The following LANCL1 variants were observed in gnomAD, a reference collection of about 807,000 sequenced individuals.
The protein encoded by LANCL1 is LanC like glutathione S-transferase 1.
Under a neutral mutation model 50.6 loss-of-function variants are expected in LANCL1, and 50 were observed. The ratio of observed to expected loss-of-function variants is 0.99; its 90% CI spans 0.79 to 1.25. The LOEUF is 1.25. Ranked by LOEUF, LANCL1 falls within the 50% of genes most tolerant of loss-of-function variation. The pLI is 0.00. For missense variants in LANCL1, 532 were observed against 480.7 expected, an observed-to-expected ratio of 1.11 and a Z score of -1.00; for synonymous variants, 188 against 178.6, an observed-to-expected ratio of 1.05 and a Z score of -0.42.
At chr2:210,461,597 G>C (rs1016289228) in intron 3 of LANCL1, among the ~76,000 whole-genome samples, 2 of 152,104 alleles carry the variant, frequency 1.3e-5, no homozygotes, top group African/African-American at 2.4e-5. Flanking sequence ...TATTACTCTA[G>C]GGATTATGCT....
At chr2:210,477,541 TTCA>T (rs779060578), upstream of LANCL1, 32 of 1,313,456 alleles carry the variant, frequency 2.4e-5, no homozygotes, top group Non-Finnish European at 3.1e-5. Flanking sequence ...TCTCTCCGGT[TTCA>T]ATGAAGAGTC....
chr2:210,459,382 T>TAG (rs1410905224), intron 3 of LANCL1, among the ~76,000 whole-genome samples: 1 of 152,152 alleles, frequency 6.6e-6, no homozygotes, highest in East Asian at 1.9e-4. Context: ...TCCAGATGTA[T>TAG]AGTACTTTGA....
At position 210,432,423 on chromosome 2, in the gene LANCL1, G is replaced by C. The variant is rs1165325654; in HGVS notation, c.*2064C>G. The C allele has an allele frequency of 1.3e-5, 2 of 152,144 alleles. No homozygotes were observed. Among genetic ancestry groups the C allele is most frequent in the Non-Finnish European group, 2.9e-5 (2 of 68,016 alleles). 9.4% of individuals were successfully genotyped at this position (152,144 alleles called of 1,614,324 possible). ...AATCAGACCTTGGCAATGACTTTGA[G>C]CAGTAGGATGTAAATGACTCCCACA... On this transcript the variant is annotated 3_prime_UTR_variant, in exon 10 of 10. Transcript: ENST00000450366.
upstream of LANCL1, chr2:210,477,561 CCA>C (rs1694424341): frequency 7.2e-7 from 1 of 1,395,706 alleles, no homozygotes; most frequent in African/African-American, 1.4e-5. Flanking sequence ...AGTCCTAGCT[CCA>C]GACCTCCAAC....
intron 3 of LANCL1, among the ~76,000 whole-genome samples, chr2:210,470,691 T>C (rs1461390336): frequency 6.6e-6 from 1 of 152,182 alleles, no homozygotes; most frequent in Non-Finnish European, 1.5e-5. Flanking sequence ...AGAGGAAGAC[T>C]AATAAGAGAT....
At chr2:210,439,389 G>A (rs2105888530) in intron 6 of LANCL1, among the ~76,000 whole-genome samples, 1 of 152,262 alleles carries the variant, frequency 6.6e-6, no homozygotes, top group South Asian at 2.1e-4. Context: ...CTGATTATTT[G>A]TTTCAATGAA....
In LANCL1 at chr2:210,471,686, T is replaced by C. The variant is rs757592800; in HGVS notation, c.199+273A>G. The C allele has an allele frequency of 9.3e-4, 570 of 615,452 alleles. 4 individuals are homozygous for C. The highest frequency in any genetic ancestry group is 2.6e-3 in the South Asian group (181 of 68,326). 38.1% of individuals were successfully genotyped at this position (615,452 alleles called of 1,614,324 possible). A position where few individuals can be genotyped will look rare whatever the true frequency, so the allele number is the denominator to read the frequency against. ...CAAATTAACTATGTAATATTGAAAA[T>C]CAATTTTTCTCCTCACAAGTATAGC... On this transcript the variant is annotated intron_variant, in intron 3 of 9. Transcript: ENST00000450366.
intron 8 of LANCL1, among the ~76,000 whole-genome samples, chr2:210,435,718 C>T (rs1408148151): frequency 6.6e-6 from 1 of 151,816 alleles, no homozygotes; most frequent in African/African-American, 2.4e-5. Flanking sequence ...TTTTTTTCTC[C>T]CATTAATGCT....
chr2:210,474,071 C>T (rs917902100), intron 2 of LANCL1, among the ~76,000 whole-genome samples: 1 of 152,216 alleles, frequency 6.6e-6, no homozygotes, highest in Non-Finnish European at 1.5e-5. Flanking sequence ...CTGTTTGGCA[C>T]ATTCTGCATT....
intron 2 of LANCL1, among the ~76,000 whole-genome samples, chr2:210,475,676 T>C (rs1343392036): frequency 6.6e-6 from 1 of 152,188 alleles, no homozygotes; most frequent in East Asian, 1.9e-4. Context: ...CTCTTAACAA[T>C]TATGTTCACC....
intron 3 of LANCL1, among the ~76,000 whole-genome samples, chr2:210,467,888 C>A (rs1352442652): frequency 6.6e-6 from 1 of 152,098 alleles, no homozygotes; most frequent in African/African-American, 2.4e-5. Flanking sequence ...TCTTTAGAGT[C>A]ATGAAGTAGA....
At chr2:210,467,967 T>G (rs1694119272) in intron 3 of LANCL1, among the ~76,000 whole-genome samples, 1 of 152,142 alleles carries the variant, frequency 6.6e-6, no homozygotes, top group Non-Finnish European at 1.5e-5. Context: ...CTTTATAATT[T>G]TGCAATAGAA....
chr2:210,476,257 CA>C (rs1694365772), intron 2 of LANCL1, 58 bp downstream of exon 2: 9 of 1,251,726 alleles, frequency 7.2e-6, no homozygotes, highest in Non-Finnish European at 9.3e-6. Context: ...CAAAAATGAG[CA>C]CCTTTCCGAA....
chr2:210,474,535 G>C (rs1694302080), intron 2 of LANCL1, among the ~76,000 whole-genome samples: 1 of 150,930 alleles, frequency 6.6e-6, no homozygotes. Context: ...GGCCAACATG[G>C]TGAAACCCTG....
At chr2:210,468,857 G>A (rs1694146929) in intron 3 of LANCL1, 1 of 152,172 alleles carries the variant, frequency 6.6e-6, no homozygotes, top group Admixed American at 6.5e-5. Context: ...TCTTTTACAA[G>A]AGAAAAATAC....
chr2:210,467,768 A>G (rs1694110139), intron 3 of LANCL1, among the ~76,000 whole-genome samples: 1 of 152,200 alleles, frequency 6.6e-6, no homozygotes, highest in Non-Finnish European at 1.5e-5. Context: ...TGAATGTGTC[A>G]TCTCTTCACT....
intron 3 of LANCL1, among the ~76,000 whole-genome samples, chr2:210,465,952 G>A (rs1694043445): frequency 6.6e-6 from 1 of 152,176 alleles, no homozygotes; most frequent in Non-Finnish European, 1.5e-5. Flanking sequence ...ACTGTTTAAT[G>A]CAAATGCTGT....
In LANCL1 at chr2:210,476,376, C is replaced by CG. The variant is rs2105934051; in HGVS notation, c.20dup (p.Asn8GlufsTer5). On this transcript the variant is annotated frameshift_variant, in exon 2 of 10. Coordinates refer to ENST00000450366, the MANE Select transcript of LANCL1 (RefSeq NM_006055.3). LOFTEE classifies it high-confidence loss of function. Reference sequence around the variant, plus strand: ...ATTTGTTATAATCAGCATAAGGATTCGGGAAGGCCCTTTGAGCCATGACGC... The same window carrying CG: ...ATTTGTTATAATCAGCATAAGGATTCGGGGAAGGCCCTTTGAGCCATGACGC... The CG allele has an allele frequency of 6.2e-7, 1 of 1,614,022 alleles. No homozygotes were observed. The highest frequency in any genetic ancestry group is 1.3e-5 in the African/African-American group (1 of 75,050).
intron 8 of LANCL1, among the ~76,000 whole-genome samples, chr2:210,435,944 C>T (rs1374737899): frequency 2.1e-5 from 3 of 140,894 alleles, no homozygotes; most frequent in Non-Finnish European, 4.5e-5. Flanking sequence ...TCTTGTCACC[C>T]AGGCTGGAGT....
Sources: allele counts gnomAD v4.1 joint callset (sites outside exome capture counted in the v4.1 genomes callset), GRCh38; gene constraint gnomAD v4.1.1; transcripts MANE v1.5; gene names NCBI Gene and HGNC (gene_info 2026-07-23, HGNC 2026-07-21).